RBFOX1: variants seen among roughly 807,000 people sequenced by gnomAD.
RBFOX1 encodes the protein RNA binding fox-1 homolog 1.
A neutral mutation model predicts 57.7 loss-of-function variants in RBFOX1; 8 were observed. The observed-to-expected ratio is 0.14, with a 90% confidence interval of 0.08 to 0.25. The LOEUF is 0.25. Ranked by LOEUF, RBFOX1 falls within the 10% of genes least tolerant of loss-of-function variation. The pLI, the probability that RBFOX1 is intolerant of heterozygous loss-of-function variation, is 1.00. For missense variants in RBFOX1, 611 were observed against 548.5 expected (o/e 1.11, Z -1.14); for synonymous variants, 326 against 222.4 (o/e 1.47, Z -4.15).
In RBFOX1 at chr16:7,055,766, A is replaced by G. The variant is rs74692433; in HGVS notation, c.27+3668A>G. Among the ~76,000 whole-genome samples the G allele has an allele frequency of 7.8e-4, 119 of 152,336 alleles. 3 individuals are homozygous for G. In the East Asian group the frequency reaches 0.02, roughly 26 times the overall value. Reference sequence around the variant, plus strand: ...AGGATTTACTTAAACTGGAGGAAGCAGAAAATGCACTCCAGTGTTGTTACC... The same window carrying G: ...AGGATTTACTTAAACTGGAGGAAGCGGAAAATGCACTCCAGTGTTGTTACC... On this transcript the variant is annotated intron_variant, in intron 4 of 15. Coordinates refer to ENST00000550418, the MANE Select transcript of RBFOX1 (RefSeq NM_018723.4).
chr16:5,387,609 C>T (rs531951), intron 1 of RBFOX1, among the ~76,000 whole-genome samples: 5,437 of 152,210 alleles, frequency 0.036, 349 homozygotes, highest in African/African-American at 0.12. Context: ...CATAATCTCA[C>T]GGCCACACCT....
chr16:5,699,070 C>G (rs909107089), intron 3 of RBFOX1, among the ~76,000 whole-genome samples: 1 of 151,164 alleles, frequency 6.6e-6, no homozygotes, highest in African/African-American at 2.4e-5. Flanking sequence ...TCACTGCAAC[C>G]TCCATCTCAT....
chr16:7,078,785 C>CGA (rs1335006291), intron 4 of RBFOX1, among the ~76,000 whole-genome samples: 1 of 146,252 alleles, frequency 6.8e-6, no homozygotes, highest in Admixed American at 6.9e-5. Context: ...CGAGTTCAAG[C>CGA]GATTCTCCTG....
At chr16:6,099,471 A>G (rs561026065) in intron 1 of RBFOX1, among the ~76,000 whole-genome samples, 1 of 152,348 alleles carries the variant, frequency 6.6e-6, no homozygotes, top group African/African-American at 2.4e-5. Flanking sequence ...TAAAATATCC[A>G]GAGGAATTAA....
chr16:7,034,513 A>G (rs34469360), intron 3 of RBFOX1, among the ~76,000 whole-genome samples: 66,584 of 151,916 alleles, frequency 0.44, 17,848 homozygotes, highest in South Asian at 0.63. Flanking sequence ...AGGGCACTTC[A>G]GAAAGATGGA....
At chr16:6,769,033 A>C (rs2154210354) in intron 3 of RBFOX1, among the ~76,000 whole-genome samples, 1 of 152,032 alleles carries the variant, frequency 6.6e-6, no homozygotes, top group East Asian at 1.9e-4. Flanking sequence ...AGCCAATATT[A>C]CTTCTTTTTC....
At chr16:6,859,129 A>G (rs796656672) in intron 3 of RBFOX1, among the ~76,000 whole-genome samples, 2 of 75,682 alleles carry the variant, frequency 2.6e-5, no homozygotes, top group African/African-American at 1.6e-4. Flanking sequence ...ATATATATAT[A>G]CATATATATA....
chr16:6,705,931 G>A (rs999530662), intron 3 of RBFOX1, among the ~76,000 whole-genome samples: 2 of 152,150 alleles, frequency 1.3e-5, no homozygotes, highest in African/African-American at 4.8e-5. Context: ...TGTGGGAGGA[G>A]CACTTGAGCC....
At chr16:6,723,327 T>G (rs1368838872) in intron 3 of RBFOX1, among the ~76,000 whole-genome samples, 2 of 152,164 alleles carry the variant, frequency 1.3e-5, no homozygotes, top group Non-Finnish European at 2.9e-5. Context: ...GTCGTGAGAA[T>G]TCACCGAGCA....
intron 1 of RBFOX1, among the ~76,000 whole-genome samples, chr16:6,224,801 A>G (rs2097403501): frequency 6.6e-6 from 1 of 152,100 alleles, no homozygotes; most frequent in Non-Finnish European, 1.5e-5. Flanking sequence ...TGGGTGGATC[A>G]CCTGTGGTCA....
intron 4 of RBFOX1, among the ~76,000 whole-genome samples, chr16:7,296,757 C>T (rs146841570): frequency 1.3e-5 from 2 of 152,234 alleles, no homozygotes; most frequent in East Asian, 1.9e-4. Flanking sequence ...GCCTTTCTTT[C>T]GGGTGCAGAC....
chr16:6,465,754 G>A (rs905984858), intron 2 of RBFOX1, among the ~76,000 whole-genome samples: 3 of 152,038 alleles, frequency 2.0e-5, no homozygotes, highest in African/African-American at 7.2e-5. Context: ...CAGAGACCAT[G>A]TGGTCCAAAA....
At chr16:5,457,621 A>G (rs1045399705) in intron 1 of RBFOX1, among the ~76,000 whole-genome samples, 2 of 152,134 alleles carry the variant, frequency 1.3e-5, no homozygotes, top group African/African-American at 2.4e-5. Flanking sequence ...TTTCGTCTGC[A>G]TGGAGCACTC....
At chr16:7,531,537 A>T (rs920583303) in intron 5 of RBFOX1, among the ~76,000 whole-genome samples, 2 of 152,188 alleles carry the variant, frequency 1.3e-5, no homozygotes, top group Admixed American at 1.3e-4. Flanking sequence ...ATGGGATTCA[A>T]AGGCAGCCAC....
chr16:7,622,918 G>A (rs1414060565), intron 10 of RBFOX1, among the ~76,000 whole-genome samples: 2 of 152,158 alleles, frequency 1.3e-5, no homozygotes, highest in African/African-American at 4.8e-5. Context: ...ATTCTTACAT[G>A]GATTAGCTCA....
rs906796561 is a variant in RBFOX1 at position 7,456,862 on chromosome 16, T to G, written c.28-61285T>G. Among the ~76,000 whole-genome samples the G allele has an allele frequency of 2.6e-5, 4 of 152,014 alleles. No individual in the cohort carries two copies. The South Asian group carries it at 8.3e-4, about 32-fold the overall frequency. ...TCAGCTTGGAGGAAAGGGCATATTT[T>G]GGGTATTCTTCCACTCGGAAGGTGT... On this transcript the variant is annotated intron_variant, in intron 4 of 15. Coordinates refer to ENST00000550418, the MANE Select transcript of RBFOX1 (RefSeq NM_018723.4).
chr16:6,452,139 C>A (rs894682238), intron 2 of RBFOX1, among the ~76,000 whole-genome samples: 7 of 150,422 alleles, frequency 4.7e-5, no homozygotes, highest in Admixed American at 6.6e-5. Flanking sequence ...TGACTCCATC[C>A]ATGGGTCCTT....
At chr16:6,950,362 C>G (rs1203628392) in intron 3 of RBFOX1, among the ~76,000 whole-genome samples, 1 of 151,806 alleles carries the variant, frequency 6.6e-6, no homozygotes, top group Non-Finnish European at 1.5e-5. Context: ...TTGTGTGGAT[C>G]TCTGTCCCTC....
intron 3 of RBFOX1, among the ~76,000 whole-genome samples, chr16:5,630,038 A>G (rs370414174): frequency 1.3e-5 from 2 of 152,200 alleles, no homozygotes; most frequent in South Asian, 2.1e-4. Flanking sequence ...CAGGAGATCA[A>G]TGCAGATACA....
Sources: gnomAD v4.1 joint callset for allele counts (sites outside exome capture counted in the v4.1 genomes callset) on GRCh38, gnomAD v4.1.1 for gene constraint, MANE v1.5 for transcripts, NCBI Gene and HGNC (gene_info 2026-07-23, HGNC 2026-07-21) for gene names.